The following DLC1 variants were observed in gnomAD, a reference collection of about 807,000 sequenced individuals.
The protein encoded by DLC1 is DLC1 Rho GTPase activating protein.
In DLC1, 54 loss-of-function variants were observed where a neutral mutation model predicts 140.3. That is an observed-to-expected ratio of 0.38 (90% CI 0.31 to 0.48). DLC1 has a LOEUF of 0.48. DLC1 is among the 20% of genes least tolerant of loss of function. DLC1 has a pLI of 0.96. For synonymous variants in DLC1, 986 were observed against 728.1 expected (o/e 1.35, Z -5.70); for missense variants, 2,536 against 1,907.0 (o/e 1.33, Z -6.14).
intron 1 of DLC1, among the ~76,000 whole-genome samples, chr8:13,548,012 G>T (rs182517716): frequency 3.3e-5 from 5 of 152,040 alleles, no homozygotes; most frequent in Admixed American, 2.0e-4. Flanking sequence ...TTTAAAAATA[G>T]CACTTAAAAT....
intron 1 of DLC1, among the ~76,000 whole-genome samples, chr8:13,563,823 A>C (rs1262821945): frequency 6.6e-6 from 1 of 152,220 alleles, no homozygotes; most frequent in Non-Finnish European, 1.5e-5. Flanking sequence ...TTGTTAAACG[A>C]ATCAAATAAT....
At position 13,085,599 on chromosome 8, in the gene DLC1, TC is replaced by T; in HGVS notation, c.*211del. The T allele has an allele frequency of 3.5e-6, 2 of 565,176 alleles. No individual in the cohort carries two copies. The highest frequency in any genetic ancestry group is 5.6e-6 in the Non-Finnish European group (2 of 356,474). 35.0% of individuals were successfully genotyped at this position (565,176 alleles called of 1,614,324 possible). A position where few individuals can be genotyped will look rare whatever the true frequency, so the allele number is the denominator to read the frequency against. ...AAATTTTTTTTTTTTTTTTGCACAG[TC>T]TTACATATTCCAGTCAAGGTCTATG... On this transcript the variant is annotated 3_prime_UTR_variant, in exon 18 of 18. Transcript: ENST00000276297.
chr8:13,113,453 C>T (rs1391927982), intron 6 of DLC1, among the ~76,000 whole-genome samples: 1 of 152,202 alleles, frequency 6.6e-6, no homozygotes, highest in African/African-American at 2.4e-5. Context: ...GTAACTTGTG[C>T]AAATGCACCC....
intron 2 of DLC1, among the ~76,000 whole-genome samples, chr8:13,443,670 A>G (rs1468883700): frequency 2.6e-5 from 4 of 151,832 alleles, no homozygotes; most frequent in African/African-American, 4.8e-5. Flanking sequence ...AAAAAAAAAA[A>G]AAAAAGAAAA....
At chr8:13,357,669 T>G (rs1347728167) in intron 4 of DLC1, among the ~76,000 whole-genome samples, 1 of 152,240 alleles carries the variant, frequency 6.6e-6, no homozygotes, top group Non-Finnish European at 1.5e-5. Flanking sequence ...GTGAATTCTC[T>G]TTTCATGAGT....
intron 5 of DLC1, among the ~76,000 whole-genome samples, chr8:13,223,898 ACAAAT>A (rs1190146225): frequency 2.0e-5 from 3 of 152,338 alleles, no homozygotes; most frequent in African/African-American, 4.8e-5. Context: ...TAAAACAGAA[ACAAAT>A]CAAAAGATTT....
intron 5 of DLC1, among the ~76,000 whole-genome samples, chr8:13,208,695 A>G (rs1222174115): frequency 6.6e-6 from 1 of 151,898 alleles, no homozygotes; most frequent in Non-Finnish European, 1.5e-5. Context: ...AAGATAATAG[A>G]CATTTCAATG....
chr8:13,287,826 T>C (rs2117448983), intron 5 of DLC1, among the ~76,000 whole-genome samples: 1 of 152,012 alleles, frequency 6.6e-6, no homozygotes, highest in South Asian at 2.1e-4. Flanking sequence ...AACAGGCAAT[T>C]TTGCCAATTA....
intron 4 of DLC1, among the ~76,000 whole-genome samples, chr8:13,346,545 T>C (rs1293327131): frequency 1.3e-5 from 2 of 152,172 alleles, no homozygotes; most frequent in African/African-American, 4.8e-5. Flanking sequence ...AACCATCACA[T>C]ATGTAAAGTT....
rs552756762 is a variant in DLC1, at chr8:13,495,952, T to A, written c.1023+3097A>T. ...AAATTTATTGAAGGATTTGATTCAA[T>A]CACATGATTATCAGATAATGAGCTG... On this transcript the variant is annotated intron_variant, in intron 2 of 17. Coordinates refer to ENST00000276297, the MANE Select transcript of DLC1 (RefSeq NM_182643.3). 2.0e-5 allele frequency among the ~76,000 whole-genome samples: 3 copies of A among 152,224 alleles called. No homozygotes were observed. The South Asian group carries it at 6.2e-4, about 31-fold the overall frequency.
Position 13,457,791 on chromosome 8 carries a change from C to T in DLC1, c.1023+41258G>A, listed in dbSNP as rs150140282. On this transcript the variant is annotated intron_variant, in intron 2 of 17. Transcript: ENST00000276297. ...TAGCAGCCCTGATTCCCGATGATCC[C>T]TGCCCCACCAAGGTAGCATCAAATT... Among the ~76,000 whole-genome samples the T allele has an allele frequency of 2.7e-3, 412 of 151,948 alleles. 1 individual carries two copies. Among genetic ancestry groups the T allele is most frequent in the African/African-American group, 9.8e-3 (406 of 41,442 alleles).
At chr8:13,086,100 T>C (rs1019359952) in intron 17 of DLC1, 169 bp from the exon 18 acceptor site, 2 of 1,349,752 alleles carry the variant, frequency 1.5e-6, no homozygotes, top group Middle Eastern at 2.6e-4. Flanking sequence ...CCACATTTTC[T>C]AAGGGAACCA....
chr8:13,138,527 G>C (rs2128968617), intron 5 of DLC1, among the ~76,000 whole-genome samples: 1 of 152,306 alleles, frequency 6.6e-6, no homozygotes, highest in Admixed American at 6.5e-5. Context: ...TCTGCACTTG[G>C]AAAATGTTAT....
chr8:13,089,167 GA>G (rs1817826801), intron 15 of DLC1, among the ~76,000 whole-genome samples: 1 of 152,070 alleles, frequency 6.6e-6, no homozygotes, highest in African/African-American at 2.4e-5. Context: ...GCTGAGGAAG[GA>G]GAATCACTTG....
At chr8:13,533,567 T>C (rs1803172249) in intron 1 of DLC1, among the ~76,000 whole-genome samples, 1 of 152,224 alleles carries the variant, frequency 6.6e-6, no homozygotes, top group Non-Finnish European at 1.5e-5. Flanking sequence ...TCAATTTTTC[T>C]GGACGAGGAA....
chr8:13,099,635 T>A lies in DLC1; in HGVS notation c.2702A>T (p.Asp901Val). 1 of 1,614,144 alleles carries A rather than the reference T, an allele frequency of 6.2e-7. No individual in the cohort carries two copies. Among genetic ancestry groups the A allele is most frequent in the Non-Finnish European group, 8.5e-7 (1 of 1,180,032 alleles). Residue 901 changes from aspartate to valine, a missense_variant, in exon 9 of 18, where the codon GAC (aspartate) becomes GTC (valine). Physicochemically the swap from Asp to Val is radical, Grantham distance 152. Coordinates refer to ENST00000276297, the MANE Select transcript of DLC1 (RefSeq NM_182643.3). ...GATGTCGTCCAGCTCGGGGAAGATG[T>A]CCTCGTTCTCCAGATCCGCCAGGTC... is the stretch of plus-strand genomic sequence containing the variant. The part of the protein sequence containing the change: ...SGDLADLENE[D>V]IFPELDDILY...
intron 4 of DLC1, among the ~76,000 whole-genome samples, chr8:13,349,034 A>G (rs918279653): frequency 1.3e-5 from 2 of 152,192 alleles, no homozygotes; most frequent in Non-Finnish European, 2.9e-5. Flanking sequence ...TAAGATTCGT[A>G]GATCTCCAAC....
At chr8:13,365,957 G>A (rs1432897522) in intron 4 of DLC1, among the ~76,000 whole-genome samples, 1 of 152,158 alleles carries the variant, frequency 6.6e-6, no homozygotes, top group Non-Finnish European at 1.5e-5. Context: ...CGCAAAGAGA[G>A]GGGAAAATGT....
chr8:13,162,966 T>C (rs1554455950), intron 5 of DLC1, among the ~76,000 whole-genome samples: 9 of 152,194 alleles, frequency 5.9e-5, no homozygotes, highest in Admixed American at 6.5e-5. Flanking sequence ...TACATACTTA[T>C]CAAATTGACT....
Sources: allele counts gnomAD v4.1 joint callset (sites outside exome capture counted in the v4.1 genomes callset), GRCh38; gene constraint gnomAD v4.1.1; transcripts MANE v1.5; gene names NCBI Gene and HGNC (gene_info 2026-07-23, HGNC 2026-07-21).